Variants in ACSS3 observed in about 807,000 individuals in gnomAD.
The protein encoded by ACSS3 is acyl-CoA synthetase short-chain family member 3, mitochondrial.
ACSS3 carries 64 observed loss-of-function variants against 84.2 expected under a neutral mutation model. The ratio of observed to expected loss-of-function variants is 0.76; its 90% CI spans 0.62 to 0.94. The LOEUF (loss-of-function observed/expected upper bound fraction) is 0.94. Ranked by LOEUF, ACSS3 falls within the 40% of genes least tolerant of loss-of-function variation. The probability of loss-of-function intolerance (pLI) is 0.00; values close to 1 mark genes in which losing one functional copy is unlikely to be tolerated. For synonymous variants in ACSS3, 317 were observed against 310.1 expected (o/e 1.02, Z -0.23); for missense variants, 815 against 867.6 (o/e 0.94, Z 0.76).
chr12:81,243,595 C>T (rs1232817841), intron 13 of ACSS3, among the ~76,000 whole-genome samples: 1 of 152,170 alleles, frequency 6.6e-6, no homozygotes, highest in Non-Finnish European at 1.5e-5. Flanking sequence ...CATCACGCTA[C>T]CTGACTTCAA....
In ACSS3 at chr12:81,176,279, C is replaced by T. The variant is rs2030471510; in HGVS notation, c.1250+1340C>T. Among the ~76,000 whole-genome samples, 4 of 152,276 alleles carry T rather than the reference C, an allele frequency of 2.6e-5. No homozygotes were observed. In the South Asian group the frequency reaches 8.3e-4, roughly 32 times the overall value. On this transcript the variant is annotated intron_variant, in intron 8 of 15. Coordinates refer to ENST00000548058, the MANE Select transcript of ACSS3 (RefSeq NM_024560.4). ...ATAAATTTCTGAAAACATACAATCTCTTGAGATTGAACCAAGAGGCTGGGT... is the reference window on the plus strand; with the variant it reads ...ATAAATTTCTGAAAACATACAATCTTTTGAGATTGAACCAAGAGGCTGGGT...
chr12:81,151,657 A>G (rs1886614929), intron 5 of ACSS3, 187 bp from the exon 6 acceptor site: 1 of 505,088 alleles, frequency 2.0e-6, no homozygotes, highest in South Asian at 3.2e-5. Flanking sequence ...AGGACAAATT[A>G]TTTTGTGTTG....
rs1430278165 is a variant in ACSS3 at position 81,256,376 on chromosome 12, G to A, written c.*1454G>A. 1 of 151,912 alleles carries A rather than the reference G, an allele frequency of 6.6e-6. No homozygotes were observed. The highest frequency in any genetic ancestry group is 1.5e-5 in the Non-Finnish European group (1 of 67,966). The allele number at this position is 151,912 out of a possible 1,614,324, so 9.4% of individuals were successfully genotyped here. A position where few individuals can be genotyped will look rare whatever the true frequency, so the allele number is the denominator to read the frequency against. On this transcript the variant is annotated 3_prime_UTR_variant, in exon 16 of 16. Coordinates refer to ENST00000548058, the MANE Select transcript of ACSS3 (RefSeq NM_024560.4). ...TCTTAAATGTTTTTTTTAAATAATT[G>A]TAAAGTGAGTTTTTGTTAAGCTTAT... is the stretch of plus-strand genomic sequence containing the variant.
rs536137563 is a variant in ACSS3, at chr12:81,227,003, A to G, written c.1515-4054A>G. 9.3e-5 allele frequency among the ~76,000 whole-genome samples: 14 copies of G among 150,776 alleles called. No homozygotes were observed. The East Asian group carries it at 1.6e-3, about 17-fold the overall frequency. On this transcript the variant is annotated intron_variant, in intron 11 of 15. Transcript: ENST00000548058. The stretch of plus-strand genomic sequence containing the variant: ...CACACACACACACATATATATATAC[A>G]TACACACATATCTATAGAGAGGGAG...
chr12:81,209,749 T>G (rs2032511023), intron 9 of ACSS3, among the ~76,000 whole-genome samples: 1 of 152,158 alleles, frequency 6.6e-6, no homozygotes, highest in Non-Finnish European at 1.5e-5. Context: ...TTTAATTATA[T>G]GCTAGACAAG....
intron 1 of ACSS3, among the ~76,000 whole-genome samples, chr12:81,083,710 G>T (rs111809732): frequency 2.6e-5 from 4 of 151,784 alleles, no homozygotes; most frequent in African/African-American, 9.7e-5. Flanking sequence ...AGCAGCTCAC[G>T]CATGTAATCT....
At chr12:81,091,596 C>T (rs1224506420) in intron 1 of ACSS3, among the ~76,000 whole-genome samples, 1 of 151,750 alleles carries the variant, frequency 6.6e-6, no homozygotes, top group Non-Finnish European at 1.5e-5. Flanking sequence ...TTTCTCTTAC[C>T]TTGGTTTACT....
rs1312880102 is a variant in ACSS3 at position 81,199,337 on chromosome 12, T to A, written c.1251-4T>A. Reference sequence around the variant, plus strand: ...ATAATTTGAATTCACTGTCTCATATTCAGGTTCAAAACATTATTTGTGGCT... The same window carrying A: ...ATAATTTGAATTCACTGTCTCATATACAGGTTCAAAACATTATTTGTGGCT... On this transcript the variant is annotated splice_polypyrimidine_tract_variant and splice_region_variant and intron_variant, in intron 8 of 15. Coordinates refer to ENST00000548058, the MANE Select transcript of ACSS3 (RefSeq NM_024560.4). The A allele has an allele frequency of 6.2e-7, 1 of 1,606,214 alleles. No individual in the cohort carries two copies. Among genetic ancestry groups the A allele is most frequent in the Non-Finnish European group, 8.5e-7 (1 of 1,177,132 alleles).
chr12:81,226,801 A>G (rs2033288543), intron 11 of ACSS3, among the ~76,000 whole-genome samples: 1 of 151,648 alleles, frequency 6.6e-6, no homozygotes, highest in Non-Finnish European at 1.5e-5. Flanking sequence ...ATCCTCTTAA[A>G]CTGTGGCTTC....
chr12:81,188,806 C>G (rs906245611), intron 8 of ACSS3, among the ~76,000 whole-genome samples: 2 of 152,050 alleles, frequency 1.3e-5, no homozygotes, highest in African/African-American at 4.8e-5. Flanking sequence ...TTGGCAGATA[C>G]AGTCATACAT....
chr12:81,153,161 A>G (rs1017960110), intron 7 of ACSS3, among the ~76,000 whole-genome samples: 3 of 152,224 alleles, frequency 2.0e-5, no homozygotes, highest in African/African-American at 7.2e-5. Flanking sequence ...TAATCCCAGC[A>G]CTTTGGGAGG....
At chr12:81,221,344 G>A (rs1393561864) in intron 11 of ACSS3, among the ~76,000 whole-genome samples, 3 of 151,910 alleles carry the variant, frequency 2.0e-5, no homozygotes, top group Non-Finnish European at 2.9e-5. Flanking sequence ...ATTTGCTTTC[G>A]TATTTATTTC....
intron 2 of ACSS3, among the ~76,000 whole-genome samples, chr12:81,114,528 C>T (rs1883876877): frequency 6.6e-6 from 1 of 152,090 alleles, no homozygotes; most frequent in Admixed American, 6.6e-5. Flanking sequence ...TCAGCCCTGT[C>T]AATGGTTGTC....
intron 11 of ACSS3, among the ~76,000 whole-genome samples, chr12:81,229,310 C>A (rs925058147): frequency 2.0e-5 from 3 of 151,848 alleles, no homozygotes; most frequent in African/African-American, 4.8e-5. Context: ...ATTTTACATA[C>A]AATTTGCTTC....
chr12:81,082,837 A>G (rs908833856), intron 1 of ACSS3, among the ~76,000 whole-genome samples: 5 of 152,150 alleles, frequency 3.3e-5, no homozygotes, highest in African/African-American at 9.7e-5. Flanking sequence ...TAGAATCATG[A>G]CGGTATCTAT....
At chr12:81,156,604 A>G (rs1270831255) in intron 7 of ACSS3, among the ~76,000 whole-genome samples, 4 of 152,170 alleles carry the variant, frequency 2.6e-5, no homozygotes, top group Non-Finnish European at 5.9e-5. Flanking sequence ...CACATGTGAA[A>G]CAGTAGATAT....
intron 1 of ACSS3, among the ~76,000 whole-genome samples, chr12:81,090,911 G>T (rs898728094): frequency 6.6e-6 from 1 of 152,000 alleles, no homozygotes; most frequent in Non-Finnish European, 1.5e-5. Context: ...ATATAAAATA[G>T]TGTAATATTT....
At chr12:81,115,215 G>A (rs1303117108) in intron 2 of ACSS3, among the ~76,000 whole-genome samples, 1 of 152,026 alleles carries the variant, frequency 6.6e-6, no homozygotes. Context: ...TTGTTCGTAG[G>A]GTATGCCCAC....
At chr12:81,247,190 G>C (rs2034009616) in intron 13 of ACSS3, among the ~76,000 whole-genome samples, 1 of 152,154 alleles carries the variant, frequency 6.6e-6, no homozygotes, top group South Asian at 2.1e-4. Context: ...GGCAAAAGAT[G>C]GTTCTGGTTG....
Sources: gnomAD v4.1 joint callset for allele counts (sites outside exome capture counted in the v4.1 genomes callset) on GRCh38, gnomAD v4.1.1 for gene constraint, MANE v1.5 for transcripts, NCBI Gene and HGNC (gene_info 2026-07-23, HGNC 2026-07-21) for gene names.